The following WDR41 variants were observed in gnomAD, a reference collection of about 807,000 sequenced individuals.
WDR41 encodes the protein WD repeat domain 41, also known as WD repeat-containing protein 41.
A neutral mutation model predicts 69.3 loss-of-function variants in WDR41; 63 were observed. The observed-to-expected ratio is 0.91, with a 90% CI of 0.74 to 1.12. The LOEUF is 1.12. Among genes scored for constraint, WDR41 ranks in the 50% most tolerant of loss-of-function variants. The pLI, the probability that WDR41 is intolerant of heterozygous loss-of-function variation, is 0.00. For synonymous variants in WDR41, 185 were observed against 192.1 expected (o/e 0.96, Z 0.31); for missense variants, 543 against 534.5 (o/e 1.02, Z -0.16).
chr5:77,585,342 T>C (rs1744019441), intron 1 of WDR41, among the ~76,000 whole-genome samples: 1 of 152,136 alleles, frequency 6.6e-6, no homozygotes, highest in Non-Finnish European at 1.5e-5. Context: ...GGCATGAATG[T>C]GGTGAACAGG....
intron 1 of WDR41, among the ~76,000 whole-genome samples, chr5:77,503,942 C>T (rs953756330): frequency 1.3e-5 from 2 of 152,124 alleles, no homozygotes; most frequent in African/African-American, 4.8e-5. Context: ...CTAAAATAGA[C>T]ACCCTACCGT....
chr5:77,561,565 G>T (rs978101658), intron 1 of WDR41, among the ~76,000 whole-genome samples: 3 of 151,840 alleles, frequency 2.0e-5, no homozygotes, highest in African/African-American at 4.8e-5. Context: ...TAATATATAG[G>T]CTCAAATTCA....
chr5:77,593,507 A>G (rs903693202), intron 1 of WDR41, among the ~76,000 whole-genome samples: 3 of 152,206 alleles, frequency 2.0e-5, no homozygotes, highest in African/African-American at 7.2e-5. Flanking sequence ...GGAATATGAT[A>G]CAGTCATTAT....
intron 1 of WDR41, among the ~76,000 whole-genome samples, chr5:77,578,064 T>C (rs917996756): frequency 1.3e-5 from 2 of 152,196 alleles, no homozygotes; most frequent in East Asian, 1.9e-4. Context: ...GAGTATCATA[T>C]TGCAAATCGC....
At chr5:77,510,881 C>T (rs1334205035) in intron 1 of WDR41, among the ~76,000 whole-genome samples, 2 of 149,016 alleles carry the variant, frequency 1.3e-5, no homozygotes, top group Non-Finnish European at 3.0e-5. Context: ...AAGCGATTCT[C>T]CTGCTTCAGC....
chr5:77,449,809 C>G lies in WDR41; in HGVS notation c.648G>C (p.Lys216Asn). The change falls in exon 8 of 13, where the codon AAG becomes AAC. Residue 216 changes from lysine to asparagine, a missense_variant. Transcript: ENST00000296679. ...TATTATCCTGGTGATCAAGGAGGCG[C>G]TTAACTTCAAGAATATCCCATTCTA... ...GSLEWDILEV[K>N]RLLDHQDNIL... is the part of the protein sequence containing the mutation. 1 of 1,613,744 alleles carries G rather than the reference C, an allele frequency of 6.2e-7. No individual in the cohort carries two copies. Among genetic ancestry groups the G allele is most frequent in the Non-Finnish European group, 8.5e-7 (1 of 1,179,766 alleles).
intron 2 of WDR41, among the ~76,000 whole-genome samples, chr5:77,471,574 A>C (rs898266748): frequency 2.0e-5 from 3 of 152,204 alleles, no homozygotes; most frequent in African/African-American, 7.2e-5. Flanking sequence ...AATAGACGCA[A>C]TAAAAAATGA....
At chr5:77,503,303 A>T (rs1021292697) in intron 1 of WDR41, among the ~76,000 whole-genome samples, 40 of 152,026 alleles carry the variant, frequency 2.6e-4, no homozygotes, top group African/African-American at 9.7e-4. Context: ...TGGTAAAGGG[A>T]TCAATTCAAC....
At chr5:77,441,875 C>A (rs1482033597) in intron 8 of WDR41, among the ~76,000 whole-genome samples, 4 of 107,566 alleles carry the variant, frequency 3.7e-5, no homozygotes, top group African/African-American at 1.2e-4. Flanking sequence ...ATAAATACAG[C>A]AGAAAAAAAA....
At chr5:77,547,095 C>A (rs1409300039) in intron 1 of WDR41, among the ~76,000 whole-genome samples, 1 of 151,988 alleles carries the variant, frequency 6.6e-6, no homozygotes, top group Non-Finnish European at 1.5e-5. Flanking sequence ...AAACTCTCAG[C>A]AAAATCAGCA....
At chr5:77,583,264 C>A in intron 1 of WDR41, 1 of 609,490 alleles carries the variant, frequency 1.6e-6, no homozygotes. Flanking sequence ...CCTGTTATCT[C>A]AACATTTTAG....
rs188377143 is a variant in WDR41 at position 77,443,577 on chromosome 5, G to C, written c.698-2580C>G. Among the ~76,000 whole-genome samples the C allele has an allele frequency of 2.6e-5, 4 of 152,268 alleles. No homozygotes were observed. The East Asian group carries it at 5.8e-4, about 22-fold the overall frequency. The stretch of plus-strand genomic sequence containing the variant: ...GCAAAACGGGCTTCTAGTTTTAGTA[G>C]TGGGAAAGTTAAGGCAGTACTCATC... On this transcript the variant is annotated intron_variant, in intron 8 of 12. Transcript: ENST00000296679.
At chr5:77,466,410 G>A (rs1448723120) in intron 2 of WDR41, among the ~76,000 whole-genome samples, 1 of 151,816 alleles carries the variant, frequency 6.6e-6, no homozygotes, top group Non-Finnish European at 1.5e-5. Flanking sequence ...TATAGTGATG[G>A]TGGGGAGGGC....
chr5:77,497,586 T>C (rs1801952484), intron 1 of WDR41, among the ~76,000 whole-genome samples: 1 of 152,108 alleles, frequency 6.6e-6, no homozygotes, highest in Non-Finnish European at 1.5e-5. Context: ...ATAATTTTTT[T>C]AAGCTGGAAA....
At chr5:77,609,168 G>A (rs1744489078) in intron 1 of WDR41, among the ~76,000 whole-genome samples, 1 of 152,216 alleles carries the variant, frequency 6.6e-6, no homozygotes, top group African/African-American at 2.4e-5. Context: ...CAACTGGGTG[G>A]AGCCCACCAC....
intron 2 of WDR41, among the ~76,000 whole-genome samples, chr5:77,469,107 T>G (rs2151332863): frequency 6.6e-6 from 1 of 152,250 alleles, no homozygotes; most frequent in Middle Eastern, 3.4e-3. Context: ...TGGATGAAAC[T>G]GGAAACCATC....
chr5:77,568,653 G>A (rs1903262), intron 1 of WDR41, among the ~76,000 whole-genome samples: 44,226 of 151,924 alleles, frequency 0.29, 7,007 homozygotes, highest in East Asian at 0.41. Flanking sequence ...AAACAATATA[G>A]TGCCCATGAA....
At chr5:77,586,272 TTTATATTTTGTA>T (rs1466828773) in intron 1 of WDR41, among the ~76,000 whole-genome samples, 4 of 151,274 alleles carry the variant, frequency 2.6e-5, no homozygotes, top group South Asian at 4.2e-4. Flanking sequence ...ATAAAACCCT[TTTATATTTTGTA>T]TTTATTTATT....
rs191140085 is a variant in WDR41 at position 77,548,246 on chromosome 5, C to A, written c.43-58674G>T. Among the ~76,000 whole-genome samples, 727 of 152,262 alleles carry A rather than the reference C, an allele frequency of 4.8e-3. 1 individual carries two copies. The highest frequency in any genetic ancestry group is 0.017 in the African/African-American group (700 of 41,558). On this transcript the variant is annotated intron_variant, in intron 1 of 5. Transcript: ENST00000509971. Reference sequence around the variant, plus strand: ...GCCAAGGATTTCATGACCAAGAACCCAAAAGCAAATGCAATAAAAACAAAG... The same window carrying A: ...GCCAAGGATTTCATGACCAAGAACCAAAAAGCAAATGCAATAAAAACAAAG...
Sources: allele counts gnomAD v4.1 joint callset (sites outside exome capture counted in the v4.1 genomes callset), GRCh38; gene constraint gnomAD v4.1.1; transcripts MANE v1.5; gene names NCBI Gene and HGNC (gene_info 2026-07-23, HGNC 2026-07-21).